Variants in ACSF3 observed in about 807,000 individuals in gnomAD.
The protein encoded by ACSF3 is malonate--CoA ligase ACSF3, mitochondrial.
ACSF3 carries 78 observed loss-of-function variants against 53.2 expected under a neutral mutation model. The observed-to-expected ratio is 1.47, with a 90% CI of 1.22 to 1.77. The LOEUF is 1.77. ACSF3 is among the 40% of genes most tolerant of loss of function. The probability of loss-of-function intolerance (pLI) is 0.00; values close to 1 mark genes in which losing one functional copy is unlikely to be tolerated. For missense variants in ACSF3, 937 were observed against 771.1 expected (o/e 1.22, Z -2.55); for synonymous variants, 414 against 333.1 (o/e 1.24, Z -2.65).
intron 8 of ACSF3, among the ~76,000 whole-genome samples, chr16:89,140,339 G>C (rs142639404): frequency 3.9e-4 from 59 of 152,248 alleles, no homozygotes; most frequent in African/African-American, 1.1e-3. Flanking sequence ...TACACACACA[G>C]GCACCTGTTC....
chr16:89,120,104 G>T (rs1193021057), intron 6 of ACSF3, among the ~76,000 whole-genome samples: 1 of 152,268 alleles, frequency 6.6e-6, no homozygotes, highest in Non-Finnish European at 1.5e-5. Flanking sequence ...GGCAGAGCGA[G>T]GCTGCGGCAG....
At chr16:89,148,099 TG>T (rs1810514291) in intron 10 of ACSF3, 2 of 143,304 alleles carry the variant, frequency 1.4e-5, no homozygotes, top group Admixed American at 7.1e-5. Context: ...TCTTCTTTTT[TG>T]GTTTTTTTTT....
chr16:89,113,981 G>C, intron 5 of ACSF3: 1 of 362,368 alleles, frequency 2.8e-6, no homozygotes, highest in Middle Eastern at 9.6e-4. Context: ...CTCCGTGGTC[G>C]GCAGCTGCAC....
intron 2 of ACSF3, among the ~76,000 whole-genome samples, chr16:89,099,649 G>T (rs1321408205): frequency 1.3e-5 from 2 of 152,044 alleles, no homozygotes; most frequent in Non-Finnish European, 2.9e-5. Context: ...AGGCATGGTG[G>T]TGCGCACCTA....
intron 1 of ACSF3, among the ~76,000 whole-genome samples, chr16:89,097,165 G>C (rs986674714): frequency 2.6e-5 from 4 of 152,242 alleles, no homozygotes; most frequent in Non-Finnish European, 5.9e-5. Flanking sequence ...TCAGCGTGTG[G>C]TTAGCGTGTG....
At chr16:89,120,059 C>T (rs774980621) in intron 6 of ACSF3, among the ~76,000 whole-genome samples, 3 of 152,266 alleles carry the variant, frequency 2.0e-5, no homozygotes, top group Non-Finnish European at 4.4e-5. Context: ...ACTCCATGAG[C>T]AGCCTCTGCC....
intron 8 of ACSF3, among the ~76,000 whole-genome samples, chr16:89,138,774 C>T (rs1264514381): frequency 6.6e-6 from 1 of 152,256 alleles, no homozygotes; most frequent in Non-Finnish European, 1.5e-5. Flanking sequence ...GGCCACCAGG[C>T]CCACGAGGCG....
chr16:89,099,001 T>C (rs1298576660), intron 2 of ACSF3, among the ~76,000 whole-genome samples: 3 of 152,272 alleles, frequency 2.0e-5, no homozygotes, highest in Non-Finnish European at 4.4e-5. Flanking sequence ...CGAGGGCCGC[T>C]GAGTGCCCAG....
At chr16:89,099,589 T>G (rs938274992) in intron 2 of ACSF3, among the ~76,000 whole-genome samples, 2 of 152,168 alleles carry the variant, frequency 1.3e-5, no homozygotes, top group Non-Finnish European at 2.9e-5. Flanking sequence ...GAGACCAGTC[T>G]GGTCAACATG....
At chr16:89,114,254 G>A (rs1438211454) in intron 5 of ACSF3, 85 bp from the exon 6 acceptor site, 32 of 1,590,438 alleles carry the variant, frequency 2.0e-5, no homozygotes, top group East Asian at 4.5e-5. Flanking sequence ...AGCAAGGGCC[G>A]CCTCCTGAGG....
chr16:89,149,624 G>C (rs1309841601), intron 10 of ACSF3: 2 of 152,280 alleles, frequency 1.3e-5, no homozygotes, highest in East Asian at 1.9e-4. Context: ...GGTGAGGAGA[G>C]TGGAGAAGAA....
chr16:89,152,455 A>G lies in ACSF3; in HGVS notation c.1614-1635A>G, dbSNP rs1382552631. The G allele has an allele frequency of 1.3e-5, 2 of 152,218 alleles. 1 individual carries two copies. Among genetic ancestry groups the G allele is most frequent in the South Asian group, 4.1e-4 (2 of 4,832 alleles). The allele number at this position is 152,218 out of a possible 1,614,324, so 9.4% of individuals were successfully genotyped here. A position where few individuals can be genotyped will look rare whatever the true frequency, so the allele number is the denominator to read the frequency against. ...AAACCCCGTCTCTATTAAAAATACA[A>G]AAATTAGCCAGGCATGGTGGTATGC... On this transcript the variant is annotated intron_variant, in intron 10 of 10. Coordinates refer to ENST00000614302, the MANE Select transcript of ACSF3 (RefSeq NM_001243279.3).
rs553544627 is a variant in ACSF3, at chr16:89,155,889, T to C, written c.*1682T>C. The C allele has an allele frequency of 7.5e-6, 3 of 402,398 alleles. No individual in the cohort carries two copies. The highest frequency in any genetic ancestry group is 1.4e-4 in the East Asian group (2 of 14,062). 24.9% of individuals were successfully genotyped at this position (402,398 alleles called of 1,614,324 possible). A position where few individuals can be genotyped will look rare whatever the true frequency, so the allele number is the denominator to read the frequency against. On this transcript the variant is annotated 3_prime_UTR_variant, in exon 11 of 11. Transcript: ENST00000614302. ...GCTTTCGAAATAATGAGTGTAACTT[T>C]CTGCTGACAATACTACAAACTACAG...
intron 6 of ACSF3, among the ~76,000 whole-genome samples, chr16:89,116,726 T>C (rs1234168011): frequency 6.6e-6 from 1 of 152,142 alleles, no homozygotes; most frequent in Non-Finnish European, 1.5e-5. Context: ...AAATACATCC[T>C]AGTCTCAGAC....
chr16:89,112,078 C>T lies in ACSF3; in HGVS notation c.823-14C>T. 6.2e-7 allele frequency: 1 copy of T among 1,614,096 alleles called. No homozygotes were observed. The highest frequency in any genetic ancestry group is 1.7e-5 in the Admixed American group (1 of 60,022). ...CTGCTCATCTTCCTACCGAGTGCTT[C>T]CTTTCCTTCGTAGGTTTGGGAAAAG... On this transcript the variant is annotated splice_polypyrimidine_tract_variant and intron_variant, in intron 4 of 10. Coordinates refer to ENST00000614302, the MANE Select transcript of ACSF3 (RefSeq NM_001243279.3).
chr16:89,111,065 C>G (rs1976618247), intron 4 of ACSF3, among the ~76,000 whole-genome samples: 3 of 152,188 alleles, frequency 2.0e-5, no homozygotes, highest in African/African-American at 7.2e-5. Context: ...CTTTGCAATT[C>G]TCCATCTTCC....
At position 89,098,710 on chromosome 16, in the gene ACSF3, G is replaced by A. The variant is rs772194969; in HGVS notation, c.-74G>A. Reference sequence around the variant, plus strand: ...ACCTGCTGAAGCAGCTGTGCCTGCCGCTCTTGTGAACTGCGAACTTCCCCT... The same window carrying A: ...ACCTGCTGAAGCAGCTGTGCCTGCCACTCTTGTGAACTGCGAACTTCCCCT... On this transcript the variant is annotated 5_prime_UTR_variant, in exon 2 of 11. Transcript: ENST00000614302. 2.2e-5 allele frequency: 10 copies of A among 454,030 alleles called. No homozygotes were observed. The East Asian group carries it at 4.9e-4, about 22-fold the overall frequency. The allele number at this position is 454,030 out of a possible 1,614,324, so 28.1% of individuals were successfully genotyped here.
intron 5 of ACSF3, chr16:89,113,944 G>A (rs778166805): frequency 2.0e-5 from 7 of 346,780 alleles, no homozygotes; most frequent in Admixed American, 1.2e-4. Context: ...GCAGCCTGCA[G>A]CGCCGTGGCT....
chr16:89,106,179 G>C (rs953187755), intron 4 of ACSF3, among the ~76,000 whole-genome samples: 11 of 152,236 alleles, frequency 7.2e-5, no homozygotes, highest in Non-Finnish European at 1.5e-4. Flanking sequence ...CTGCAGACTG[G>C]CTCATTAATG....
Sources: gnomAD v4.1 joint callset for allele counts (sites outside exome capture counted in the v4.1 genomes callset) on GRCh38, gnomAD v4.1.1 for gene constraint, MANE v1.5 for transcripts, NCBI Gene and HGNC (gene_info 2026-07-23, HGNC 2026-07-21) for gene names.